RAPGEF2: variants seen among roughly 807,000 people sequenced by gnomAD.
RAPGEF2 encodes Rap guanine nucleotide exchange factor 2, also known as PDZ domain containing guanine nucleotide exchange factor (GEF) 1.
RAPGEF2 carries 54 observed loss-of-function variants against 186.7 expected under a neutral mutation model. The ratio of observed to expected loss-of-function variants is 0.29; its 90% CI spans 0.23 to 0.36. The LOEUF (loss-of-function observed/expected upper bound fraction) is 0.36. Ranked by LOEUF, RAPGEF2 falls within the 10% of genes least tolerant of loss-of-function variation. The pLI is 1.00. For synonymous variants in RAPGEF2, 712 were observed against 705.9 expected (o/e 1.01, Z -0.14); for missense variants, 1,532 against 2,045.0 (o/e 0.75, Z 4.84).
intron 1 of RAPGEF2, among the ~76,000 whole-genome samples, chr4:159,170,744 C>T (rs1300742825): frequency 2.6e-5 from 4 of 152,014 alleles, no homozygotes; most frequent in African/African-American, 7.3e-5. Flanking sequence ...ATTTTGTTGC[C>T]TTTACTTTTG....
At chr4:159,322,769 T>A (rs988651724) in intron 10 of RAPGEF2, among the ~76,000 whole-genome samples, 1 of 152,142 alleles carries the variant, frequency 6.6e-6, no homozygotes. Flanking sequence ...AGGCACTTCT[T>A]ACATGGCAGT....
At chr4:159,297,498 T>C (rs866463084) in intron 7 of RAPGEF2, among the ~76,000 whole-genome samples, 15 of 152,212 alleles carry the variant, frequency 9.9e-5, no homozygotes, top group African/African-American at 3.6e-4. Context: ...GAATATTTTA[T>C]TATAAAAGAG....
intron 2 of RAPGEF2, among the ~76,000 whole-genome samples, chr4:159,189,654 A>G (rs1579414949): frequency 6.6e-6 from 1 of 152,204 alleles, no homozygotes; most frequent in Non-Finnish European, 1.5e-5. Context: ...TAACCGAATT[A>G]TGGTTATTAT....
intron 7 of RAPGEF2, chr4:159,282,406 A>C (rs1330882626): frequency 5.3e-6 from 1 of 187,026 alleles, no homozygotes; most frequent in African/African-American, 2.4e-5. Context: ...CCCACTTATT[A>C]AGTGATTTTG....
intron 2 of RAPGEF2, 125 bp downstream of exon 2, chr4:159,186,837 C>T (rs1269301170): frequency 3.8e-6 from 2 of 530,266 alleles, no homozygotes; most frequent in Non-Finnish European, 3.2e-6. Flanking sequence ...TCGTGGGGTA[C>T]ATTCTGATAT....
chr4:159,297,497 A>G (rs1423017486), intron 7 of RAPGEF2, among the ~76,000 whole-genome samples: 1 of 152,238 alleles, frequency 6.6e-6, no homozygotes, highest in Non-Finnish European at 1.5e-5. Context: ...TGAATATTTT[A>G]TTATAAAAGA....
intron 1 of RAPGEF2, among the ~76,000 whole-genome samples, chr4:159,133,452 C>T (rs1741329645): frequency 6.7e-6 from 1 of 149,326 alleles, no homozygotes; most frequent in South Asian, 2.1e-4. Context: ...TGCTCTTGTT[C>T]CCAGGCTGGA....
intron 9 of RAPGEF2, among the ~76,000 whole-genome samples, chr4:159,318,278 T>A (rs573759217): frequency 2.6e-5 from 4 of 152,224 alleles, no homozygotes; most frequent in African/African-American, 9.6e-5. Context: ...AAATAAAATA[T>A]GTGTGAGAAC....
chr4:159,233,115 C>T (rs776947221), intron 4 of RAPGEF2, among the ~76,000 whole-genome samples: 45 of 152,146 alleles, frequency 3.0e-4, no homozygotes, highest in Non-Finnish European at 6.0e-4. Flanking sequence ...GTTGCCTTTT[C>T]AGTTAATTGA....
intron 11 of RAPGEF2, chr4:159,327,637 A>G (rs1766104657): frequency 6.8e-6 from 1 of 147,886 alleles, no homozygotes. Context: ...AGCCTGGGCG[A>G]TAGAGTGAGA....
intron 7 of RAPGEF2, among the ~76,000 whole-genome samples, chr4:159,297,343 C>T (rs1762147490): frequency 6.6e-6 from 1 of 152,150 alleles, no homozygotes; most frequent in Non-Finnish European, 1.5e-5. Flanking sequence ...GTGGTTTTAC[C>T]ATACTTAGTT....
At chr4:159,119,289 A>G (rs1389685034) in intron 1 of RAPGEF2, among the ~76,000 whole-genome samples, 1 of 152,170 alleles carries the variant, frequency 6.6e-6, no homozygotes. Context: ...AGTTGCCTCA[A>G]TAATCAGGAA....
At chr4:159,188,478 A>G (rs1747775957) in intron 2 of RAPGEF2, among the ~76,000 whole-genome samples, 1 of 152,078 alleles carries the variant, frequency 6.6e-6, no homozygotes, top group Non-Finnish European at 1.5e-5. Flanking sequence ...AGCCTGGCCA[A>G]CGTGGTGAAA....
At chr4:159,178,857 C>T (rs1453497866) in intron 1 of RAPGEF2, among the ~76,000 whole-genome samples, 4 of 152,120 alleles carry the variant, frequency 2.6e-5, no homozygotes, top group African/African-American at 4.8e-5. Context: ...CCACGCCTGA[C>T]CTAGCATGTA....
At chr4:159,355,809 G>T (rs187765635) in intron 28 of RAPGEF2, 44 bp from the exon 29 acceptor site, 1 of 1,451,248 alleles carries the variant, frequency 6.9e-7, no homozygotes, top group East Asian at 2.5e-5. Flanking sequence ...AAACTTTTGT[G>T]GCATGAACTA....
At chr4:159,311,365 G>A (rs1277265629) in intron 8 of RAPGEF2, among the ~76,000 whole-genome samples, 3 of 152,080 alleles carry the variant, frequency 2.0e-5, no homozygotes, top group Admixed American at 6.6e-5. Flanking sequence ...ACAGAATTTT[G>A]TGGGGTTTTT....
At chr4:159,236,433 T>A (rs902249316) in intron 4 of RAPGEF2, among the ~76,000 whole-genome samples, 88 of 152,226 alleles carry the variant, frequency 5.8e-4, no homozygotes, top group Non-Finnish European at 2.6e-4. Context: ...AAGATGGTAC[T>A]AGATTTATAT....
chr4:159,121,494 T>C (rs1739679224), intron 1 of RAPGEF2, among the ~76,000 whole-genome samples: 1 of 152,044 alleles, frequency 6.6e-6, no homozygotes, highest in Non-Finnish European at 1.5e-5. Context: ...AGCCTCTGAA[T>C]AGCTGGTACT....
chr4:159,346,570 C>G (rs1730339441), intron 24 of RAPGEF2, among the ~76,000 whole-genome samples: 1 of 152,154 alleles, frequency 6.6e-6, no homozygotes, highest in Non-Finnish European at 1.5e-5. Flanking sequence ...TTGCTGACTT[C>G]ATAAAGTAGA....
Sources: allele counts gnomAD v4.1 joint callset (sites outside exome capture counted in the v4.1 genomes callset), GRCh38; gene constraint gnomAD v4.1.1; transcripts MANE v1.5; gene names NCBI Gene and HGNC (gene_info 2026-07-23, HGNC 2026-07-21).